The following ANKFY1 variants were observed in gnomAD, a reference collection of about 807,000 sequenced individuals.
ANKFY1 encodes ankyrin repeat and FYVE domain-containing protein 1.
ANKFY1 carries 47 observed loss-of-function variants against 128.3 expected under a neutral mutation model. The observed-to-expected ratio is 0.37, with a 90% CI of 0.29 to 0.47. The LOEUF (loss-of-function observed/expected upper bound fraction) is 0.47. ANKFY1 is among the 20% of genes least tolerant of loss of function. The probability of loss-of-function intolerance (pLI) is 1.00; values close to 1 mark genes in which losing one functional copy is unlikely to be tolerated. For missense variants in ANKFY1, 1,222 were observed against 1,510.6 expected, an observed-to-expected ratio of 0.81 and a Z score of 3.17; for synonymous variants, 553 against 601.6, an observed-to-expected ratio of 0.92 and a Z score of 1.18.
intron 10 of ANKFY1, chr17:4,194,415 T>TA (rs1033893529): frequency 2.1e-4 from 32 of 151,220 alleles, no homozygotes; most frequent in African/African-American, 7.5e-4. Context: ...GGCCAACCTT[T>TA]AATTATTAAC....
In ANKFY1 at chr17:4,242,739, TAAAA is replaced by T. The variant is rs1414401563; in HGVS notation, c.11-295_11-292del. Among the ~76,000 whole-genome samples, 3 of 151,914 alleles carry T rather than the reference TAAAA, an allele frequency of 2.0e-5. No homozygotes were observed. The East Asian group carries it at 5.8e-4, about 29-fold the overall frequency. Reference sequence around the variant, plus strand: ...TGTCTCCACGTTTTTAAATATTCATTAAAAAGAAAAAAAAAGAATGGCTTTGTTT... The same window carrying T: ...TGTCTCCACGTTTTTAAATATTCATTAGAAAAAAAAAGAATGGCTTTGTTT... On this transcript the variant is annotated intron_variant, in intron 1 of 24. Coordinates refer to ENST00000341657, the MANE Select transcript of ANKFY1 (RefSeq NM_001330063.2).
chr17:4,185,562 C>T (rs1232979093), intron 11 of ANKFY1, among the ~76,000 whole-genome samples: 3 of 151,882 alleles, frequency 2.0e-5, no homozygotes, highest in East Asian at 1.9e-4. Flanking sequence ...AAACTTCTAG[C>T]CACAAGCAGT....
chr17:4,225,049 T>A (rs2060401315), intron 3 of ANKFY1, among the ~76,000 whole-genome samples: 1 of 136,142 alleles, frequency 7.3e-6, no homozygotes, highest in Non-Finnish European at 1.6e-5. Context: ...GGATTTGTTT[T>A]ATATTTAAAA....
rs974837375 is a variant in ANKFY1 at position 4,218,464 on chromosome 17, T to C, written c.323-1346A>G. 3.3e-5 allele frequency among the ~76,000 whole-genome samples: 5 copies of C among 152,306 alleles called. No individual in the cohort carries two copies. The South Asian group carries it at 1.0e-3, about 32-fold the overall frequency. ...TAAAAATACTTGTATAAGATCTCAT[T>C]GGCTGGGTACAGTGGCTCACGCCTG... On this transcript the variant is annotated intron_variant, in intron 3 of 24. Coordinates refer to ENST00000341657, the MANE Select transcript of ANKFY1 (RefSeq NM_001330063.2).
chr17:4,245,160 G>A (rs1480504752), intron 1 of ANKFY1, among the ~76,000 whole-genome samples: 2 of 151,986 alleles, frequency 1.3e-5, no homozygotes, highest in African/African-American at 4.8e-5. Context: ...TCTCTTTCAC[G>A]TGCTTCCCTG....
rs767483828 is a variant in ANKFY1, at chr17:4,163,875, C to T, written c.*3904G>A. On this transcript the variant is annotated 3_prime_UTR_variant, in exon 25 of 25. Coordinates refer to ENST00000341657, the MANE Select transcript of ANKFY1 (RefSeq NM_001330063.2). ...GGTACTTCTGCATTAGAAGTAACTA[C>T]AAATGTCTTATTAAAGTTTCCACTT... The T allele has an allele frequency of 2.0e-5, 3 of 152,636 alleles. No homozygotes were observed. Among genetic ancestry groups the T allele is most frequent in the Admixed American group, 2.0e-4 (3 of 15,286 alleles). 9.5% of individuals were successfully genotyped at this position (152,636 alleles called of 1,614,324 possible). A position where few individuals can be genotyped will look rare whatever the true frequency, so the allele number is the denominator to read the frequency against.
chr17:4,201,030 GTTTTGGT>G (rs979392401), intron 7 of ANKFY1, among the ~76,000 whole-genome samples: 13 of 152,016 alleles, frequency 8.6e-5, no homozygotes, highest in African/African-American at 1.9e-4. Flanking sequence ...ATTTGCTTTT[GTTTTGGT>G]TTTTGGTTTT....
At chr17:4,183,777 G>T in intron 13 of ANKFY1, 35 bp downstream of exon 13, 1 of 1,572,928 alleles carries the variant, frequency 6.4e-7, no homozygotes, top group Non-Finnish European at 8.7e-7. Flanking sequence ...ACAGCTGTCT[G>T]TCTGCAGACA....
At chr17:4,244,087 C>T (rs867146771) in intron 1 of ANKFY1, among the ~76,000 whole-genome samples, 16 of 152,094 alleles carry the variant, frequency 1.1e-4, no homozygotes, top group South Asian at 4.1e-4. Context: ...GGCACCACCA[C>T]GCCCAGCTAA....
At chr17:4,230,926 C>T (rs1001976927) in intron 3 of ANKFY1, among the ~76,000 whole-genome samples, 5 of 152,146 alleles carry the variant, frequency 3.3e-5, no homozygotes, top group African/African-American at 7.2e-5. Flanking sequence ...TAGGTAACTA[C>T]GTAATACATA....
At chr17:4,230,906 T>C (rs904594452) in intron 3 of ANKFY1, among the ~76,000 whole-genome samples, 7 of 152,196 alleles carry the variant, frequency 4.6e-5, no homozygotes, top group Non-Finnish European at 1.0e-4. Context: ...CATAGTACAA[T>C]GATCAAAATT....
intron 3 of ANKFY1, chr17:4,222,670 G>T (rs1270709256): frequency 3.0e-5 from 26 of 875,278 alleles, no homozygotes; most frequent in Non-Finnish European, 5.1e-5. Context: ...CACCAAAAAT[G>T]GCCCTGACAC....
chr17:4,223,151 G>A, intron 3 of ANKFY1: 1 of 785,308 alleles, frequency 1.3e-6, no homozygotes, highest in Non-Finnish European at 2.3e-6. Flanking sequence ...TGAAATTCAG[G>A]TGACAATGAT....
At chr17:4,196,628 A>G (rs970407526) in intron 8 of ANKFY1, among the ~76,000 whole-genome samples, 6 of 152,248 alleles carry the variant, frequency 3.9e-5, no homozygotes, top group Non-Finnish European at 8.8e-5. Context: ...AAAGGTAGCA[A>G]GCTGTGCAGA....
At chr17:4,180,122 G>A (rs2059483306) in intron 16 of ANKFY1, 2 of 526,560 alleles carry the variant, frequency 3.8e-6, no homozygotes, top group African/African-American at 1.9e-5. Context: ...CAGGGGATAT[G>A]CATACATTTA....
At chr17:4,232,115 G>A (rs2060523570) in intron 3 of ANKFY1, among the ~76,000 whole-genome samples, 1 of 151,976 alleles carries the variant, frequency 6.6e-6, no homozygotes, top group Non-Finnish European at 1.5e-5. Context: ...TATATGAATG[G>A]ATTAATGTTG....
intron 19 of ANKFY1, among the ~76,000 whole-genome samples, chr17:4,175,027 CT>C (rs1426972284): frequency 6.7e-6 from 1 of 150,198 alleles, no homozygotes; most frequent in Non-Finnish European, 1.5e-5. Flanking sequence ...TGCACCCGGC[CT>C]GTTTTTTAAA....
Position 4,179,810 on chromosome 17 carries a change from C to T in ANKFY1, c.2308G>A (p.Gly770Arg), listed in dbSNP as rs2059477117. Residue 770 changes from glycine to arginine, a missense_variant, in exon 17 of 25, where the codon GGG becomes AGG. Gly to Arg is a moderately radical substitution (Grantham distance 125, BLOSUM62 -2). Coordinates refer to ENST00000341657, the MANE Select transcript of ANKFY1 (RefSeq NM_001330063.2). ...GCTGCCAAATGCAAAGGGGTCTGCC[C>T]ATCTCTAGCCTCTTCCTCTCCTTCT... is the stretch of plus-strand genomic sequence containing the variant. ...NGEGEEEARD[G>R]QTPLHLAASW... 1 of 1,614,226 alleles carries T rather than the reference C, an allele frequency of 6.2e-7. No individual in the cohort carries two copies. Among genetic ancestry groups the T allele is most frequent in the South Asian group, 1.1e-5 (1 of 91,090 alleles).
Position 4,165,549 on chromosome 17 carries a change from T to C in ANKFY1, c.*2230A>G, listed in dbSNP as rs2059197015. Reference sequence around the variant, plus strand: ...TGCAGCCCAGCGAGCGTCCGCGTGGTCGGGGGGCTTCCTAAGTCTGTGGAA... The same window carrying C: ...TGCAGCCCAGCGAGCGTCCGCGTGGCCGGGGGGCTTCCTAAGTCTGTGGAA... On this transcript the variant is annotated 3_prime_UTR_variant, in exon 25 of 25. Transcript: ENST00000341657. 6.6e-6 allele frequency: 1 copy of C among 152,142 alleles called. No homozygotes were observed. The highest frequency in any genetic ancestry group is 1.5e-5 in the Non-Finnish European group (1 of 68,014). 9.4% of individuals were successfully genotyped at this position (152,142 alleles called of 1,614,324 possible). A position where few individuals can be genotyped will look rare whatever the true frequency, so the allele number is the denominator to read the frequency against.
Sources: allele counts gnomAD v4.1 joint callset (sites outside exome capture counted in the v4.1 genomes callset), GRCh38; gene constraint gnomAD v4.1.1; transcripts MANE v1.5; gene names NCBI Gene and HGNC (gene_info 2026-07-23, HGNC 2026-07-21).